Variants in ATG16L1 observed in about 807,000 individuals in gnomAD.
The protein encoded by ATG16L1 is autophagy related 16 like 1.
A neutral mutation model predicts 88.5 loss-of-function variants in ATG16L1; 37 were observed. The observed-to-expected ratio is 0.42, with a 90% confidence interval of 0.32 to 0.55. The LOEUF is 0.55. ATG16L1 is among the 20% of genes least tolerant of loss of function. ATG16L1 has a pLI of 0.13. For missense variants in ATG16L1, 554 were observed against 752.8 expected (o/e 0.74, Z 3.09); for synonymous variants, 301 against 281.0 (o/e 1.07, Z -0.71).
intron 14 of ATG16L1, among the ~76,000 whole-genome samples, chr2:233,291,177 G>C (rs937246622): frequency 6.6e-6 from 1 of 152,178 alleles, no homozygotes; most frequent in Non-Finnish European, 1.5e-5. Context: ...GAGGGTGGGG[G>C]TACAGGGCCT....
chr2:233,260,050 G>A (rs1271579283), intron 2 of ATG16L1, among the ~76,000 whole-genome samples: 2 of 152,158 alleles, frequency 1.3e-5, no homozygotes, highest in Admixed American at 1.3e-4. Flanking sequence ...GCTAGAGAAT[G>A]TAAGGGTGTT....
At chr2:233,286,063 G>A (rs913525788) in intron 12 of ATG16L1, among the ~76,000 whole-genome samples, 1 of 152,150 alleles carries the variant, frequency 6.6e-6, no homozygotes, top group Non-Finnish European at 1.5e-5. Context: ...CACTTCTCTC[G>A]TGGTGTGGTG....
Position 233,265,155 on chromosome 2 carries a change from A to G in ATG16L1, c.641+12A>G, listed in dbSNP as rs768834771. 2.5e-6 allele frequency: 4 copies of G among 1,613,542 alleles called. No homozygotes were observed. Among genetic ancestry groups the G allele is most frequent in the Non-Finnish European group, 3.4e-6 (4 of 1,179,924 alleles). Reference sequence around the variant, plus strand: ...GAAAAAGACTCCAGGTGGGCTATCAATCCACAGTTAGTGGTTTCCATCCTT... The same window carrying G: ...GAAAAAGACTCCAGGTGGGCTATCAGTCCACAGTTAGTGGTTTCCATCCTT... On this transcript the variant is annotated intron_variant, in intron 5 of 17. Transcript: ENST00000392017.
intron 2 of ATG16L1, among the ~76,000 whole-genome samples, chr2:233,261,138 G>A (rs1227434262): frequency 1.3e-5 from 2 of 152,080 alleles, no homozygotes; most frequent in Non-Finnish European, 2.9e-5. Context: ...TGTATTTTTA[G>A]TAGAGACGGG....
Position 233,294,159 on chromosome 2 carries a change from T to G in ATG16L1, c.1731-98T>G, listed in dbSNP as rs1699655564. The G allele has an allele frequency of 1.7e-5, 16 of 954,102 alleles. No individual in the cohort carries two copies. In the East Asian group the frequency reaches 4.4e-4, roughly 26 times the overall value. 59.1% of individuals were successfully genotyped at this position (954,102 alleles called of 1,614,324 possible). On this transcript the variant is annotated intron_variant, in intron 17 of 17. Coordinates refer to ENST00000392017, the MANE Select transcript of ATG16L1 (RefSeq NM_030803.7). ...AGAGTAAAATGGAAGTTGGAAAAAT[T>G]AGGACTCCCTGAATGCACAAGCTTC...
At chr2:233,266,504 A>C (rs1269886022) in intron 5 of ATG16L1, among the ~76,000 whole-genome samples, 1 of 152,352 alleles carries the variant, frequency 6.6e-6, no homozygotes, top group African/African-American at 2.4e-5. Context: ...CATATTTTTA[A>C]ATCCCCATAT....
chr2:233,281,778 A>C (rs1244468091), intron 11 of ATG16L1, among the ~76,000 whole-genome samples: 2 of 152,184 alleles, frequency 1.3e-5, no homozygotes, highest in Non-Finnish European at 2.9e-5. Context: ...TAGCGTCCTC[A>C]TCTACCAAGA....
At position 233,273,707 on chromosome 2, in the gene ATG16L1, C is replaced by T. The variant is rs761524765; in HGVS notation, c.795-14C>T. 1.2e-6 allele frequency: 2 copies of T among 1,613,670 alleles called. No homozygotes were observed. The highest frequency in any genetic ancestry group is 1.7e-6 in the Non-Finnish European group (2 of 1,179,716). On this transcript the variant is annotated splice_polypyrimidine_tract_variant and intron_variant, in intron 7 of 17. Transcript: ENST00000392017. ...TGTTTCTAAGGTTTAAACCTATCCTCCCCTCCTCTTTAGTAAGCGACTCTC... is the reference window on the plus strand; with the variant it reads ...TGTTTCTAAGGTTTAAACCTATCCTTCCCTCCTCTTTAGTAAGCGACTCTC...
Position 233,266,152 on chromosome 2 carries a change from G to C in ATG16L1, c.641+1009G>C, listed in dbSNP as rs1209368801. 2.6e-5 allele frequency: 4 copies of C among 152,336 alleles called. No individual in the cohort carries two copies. In the East Asian group the frequency reaches 5.8e-4, roughly 22 times the overall value. 9.4% of individuals were successfully genotyped at this position (152,336 alleles called of 1,614,324 possible). ...AAAAGCTGTTAACACAAGTTCAGCAGATGCCAGGTGCAGTAAGTAGCTCAT... is the reference window on the plus strand; with the variant it reads ...AAAAGCTGTTAACACAAGTTCAGCACATGCCAGGTGCAGTAAGTAGCTCAT... On this transcript the variant is annotated intron_variant, in intron 5 of 17. Coordinates refer to ENST00000392017, the MANE Select transcript of ATG16L1 (RefSeq NM_030803.7).
intron 9 of ATG16L1, chr2:233,277,335 T>C (rs888375377): frequency 4.7e-6 from 2 of 426,918 alleles, no homozygotes; most frequent in Non-Finnish European, 8.7e-6. Context: ...TACACAGATT[T>C]TGAGTACTTT....
intron 1 of ATG16L1, among the ~76,000 whole-genome samples, chr2:233,253,340 GTTTT>G (rs56151049): frequency 2.8e-5 from 3 of 108,660 alleles, no homozygotes; most frequent in Admixed American, 1.2e-4. Context: ...GGGTTTTTTT[GTTTT>G]TTTTTTTTTT....
chr2:233,273,893 T>A (rs1307655731), intron 8 of ATG16L1, 116 bp downstream of exon 8: 1 of 1,507,178 alleles, frequency 6.6e-7, no homozygotes, highest in African/African-American at 1.4e-5. Flanking sequence ...AGTATACATA[T>A]GCCTTAATAT....
At chr2:233,260,464 G>T (rs893480227) in intron 2 of ATG16L1, among the ~76,000 whole-genome samples, 15 of 152,160 alleles carry the variant, frequency 9.9e-5, no homozygotes, top group African/African-American at 3.6e-4. Context: ...AGACTTCCTG[G>T]AACCAGCAAC....
intron 6 of ATG16L1, among the ~76,000 whole-genome samples, chr2:233,270,437 T>A (rs927392959): frequency 1.5e-4 from 23 of 152,214 alleles, no homozygotes; most frequent in African/African-American, 5.6e-4. Flanking sequence ...GAAAATAAAA[T>A]TTGATGGGTC....
intron 2 of ATG16L1, among the ~76,000 whole-genome samples, chr2:233,259,527 T>C (rs1697051620): frequency 6.6e-6 from 1 of 152,224 alleles, no homozygotes; most frequent in African/African-American, 2.4e-5. Flanking sequence ...AGTTTAGTTA[T>C]GTGTTGTTTG....
At chr2:233,294,114 T>A (rs1183958141) in intron 17 of ATG16L1, 143 bp from the exon 18 acceptor site, 2 of 572,546 alleles carry the variant, frequency 3.5e-6, no homozygotes, top group Admixed American at 6.9e-5. Context: ...GCTCCTGCCT[T>A]GTCGCGGGCA....
chr2:233,289,376 G>GGTGTGTGTGTGTGTGTGTGTGTGT lies in ATG16L1; in HGVS notation c.1204-478_1204-477insGTGTGTGTGTGTGTGTGTGTGTGT, dbSNP rs757994844. Among the ~76,000 whole-genome samples, 13 of 55,312 alleles carry GGTGTGTGTGTGTGTGTGTGTGTGT rather than the reference G, an allele frequency of 2.4e-4. 1 individual carries two copies. The highest frequency in any genetic ancestry group is 9.0e-4 in the South Asian group (1 of 1,112). 36.3% of individuals were successfully genotyped at this position (55,312 alleles called of 152,430 possible). A position where few individuals can be genotyped will look rare whatever the true frequency, so the allele number is the denominator to read the frequency against. On this transcript the variant is annotated intron_variant, in intron 12 of 17. Coordinates refer to ENST00000392017, the MANE Select transcript of ATG16L1 (RefSeq NM_030803.7). Reference sequence around the variant, plus strand: ...AATTGTTGCTTCTTGTCCTGTTTGGGATGTGTGTGTGTGTGTGTGTGTGTG... The same window carrying GGTGTGTGTGTGTGTGTGTGTGTGT: ...AATTGTTGCTTCTTGTCCTGTTTGGGGTGTGTGTGTGTGTGTGTGTGTGTATGTGTGTGTGTGTGTGTGTGTGTG...
chr2:233,295,474 CCCACCGATGGTCCTGGCCT>C lies in ATG16L1; in HGVS notation c.*1130_*1148del. ...GGTGAGAGAGGAGTCAGGTGGCCTT[CCCACCGATGGTCCTGGCCT>C]CCACCTGCCCTCTCTTCCCTGCCTG... On this transcript the variant is annotated 3_prime_UTR_variant, in exon 18 of 18. Coordinates refer to ENST00000392017, the MANE Select transcript of ATG16L1 (RefSeq NM_030803.7). The C allele has an allele frequency of 6.5e-6, 1 of 152,784 alleles. No homozygotes were observed. The highest frequency in any genetic ancestry group is 1.9e-4 in the East Asian group (1 of 5,310). The allele number at this position is 152,784 out of a possible 1,614,324, so 9.5% of individuals were successfully genotyped here. A position where few individuals can be genotyped will look rare whatever the true frequency, so the allele number is the denominator to read the frequency against.
chr2:233,282,845 G>T (rs1035381784), intron 12 of ATG16L1, 92 bp downstream of exon 12: 8 of 1,149,294 alleles, frequency 7.0e-6, no homozygotes, highest in East Asian at 2.4e-5. Flanking sequence ...AGGGGACTTT[G>T]TTTTCCCAAA....
Sources: allele counts gnomAD v4.1 joint callset (sites outside exome capture counted in the v4.1 genomes callset), GRCh38; gene constraint gnomAD v4.1.1; transcripts MANE v1.5; gene names NCBI Gene and HGNC (gene_info 2026-07-23, HGNC 2026-07-21).